The following TIMP3 variants were observed in gnomAD, a reference collection of about 807,000 sequenced individuals.
TIMP3 encodes metalloproteinase inhibitor 3.
A neutral mutation model predicts 30.0 loss-of-function variants in TIMP3; 11 were observed. That is an observed-to-expected ratio of 0.37 (90% CI 0.23 to 0.61). The LOEUF (loss-of-function observed/expected upper bound fraction) is 0.61. TIMP3 is among the 20% of genes least tolerant of loss of function. The pLI is 0.70. For missense variants in TIMP3, 181 were observed against 276.8 expected (o/e 0.65, Z 2.45); for synonymous variants, 112 against 111.3 (o/e 1.01, Z -0.04).
chr22:32,853,165 C>T (rs1275520188), intron 2 of TIMP3, among the ~76,000 whole-genome samples: 2 of 152,204 alleles, frequency 1.3e-5, no homozygotes, highest in Non-Finnish European at 2.9e-5. Context: ...ACCCCCAGCC[C>T]ACAGGGAACC....
chr22:32,821,018 A>G (rs374661824), intron 1 of TIMP3, among the ~76,000 whole-genome samples: 1 of 152,132 alleles, frequency 6.6e-6, no homozygotes, highest in African/African-American at 2.4e-5. Context: ...TGCTCTTTCA[A>G]TATGATCTCA....
At chr22:32,806,760 A>G (rs2046751478) in intron 1 of TIMP3, among the ~76,000 whole-genome samples, 1 of 151,766 alleles carries the variant, frequency 6.6e-6, no homozygotes, top group Non-Finnish European at 1.5e-5. Context: ...TATCTATGAT[A>G]TATCCATTTC....
intron 1 of TIMP3, among the ~76,000 whole-genome samples, chr22:32,838,367 T>C (rs1302140333): frequency 6.6e-6 from 1 of 152,102 alleles, no homozygotes; most frequent in Non-Finnish European, 1.5e-5. Context: ...ATTTCCTGAG[T>C]GCTACCACAA....
chr22:32,858,302 C>T lies in TIMP3; in HGVS notation c.438+164C>T, dbSNP rs2048434677. Among the ~76,000 whole-genome samples, 6 of 152,164 alleles carry T rather than the reference C, an allele frequency of 3.9e-5. No individual in the cohort carries two copies. The South Asian group carries it at 1.2e-3, about 32-fold the overall frequency. On this transcript the variant is annotated intron_variant, in intron 4 of 4. Transcript: ENST00000266085. Reference sequence around the variant, plus strand: ...TGAGCAGATATAGTAAGGATTGTTGCCCCAGGTGGGGCAGTGAGGAAGGCA... The same window carrying T: ...TGAGCAGATATAGTAAGGATTGTTGTCCCAGGTGGGGCAGTGAGGAAGGCA...
intron 2 of TIMP3, among the ~76,000 whole-genome samples, chr22:32,854,387 A>G (rs1013993213): frequency 1.3e-5 from 2 of 152,128 alleles, no homozygotes; most frequent in Non-Finnish European, 2.9e-5. Context: ...AAATGACCAG[A>G]CTGTAACCAG....
chr22:32,840,022 G>A (rs2047847832), intron 1 of TIMP3, among the ~76,000 whole-genome samples: 1 of 152,042 alleles, frequency 6.6e-6, no homozygotes, highest in Admixed American at 6.5e-5. Context: ...TCCAGGACAG[G>A]GCATCCCCAG....
At chr22:32,848,129 C>T (rs1052035323) in intron 1 of TIMP3, among the ~76,000 whole-genome samples, 3 of 152,236 alleles carry the variant, frequency 2.0e-5, no homozygotes, top group Non-Finnish European at 4.4e-5. Flanking sequence ...TTTCACACAA[C>T]GTAGAAAGAG....
At chr22:32,802,673 G>T (rs1367949848) in intron 1 of TIMP3, among the ~76,000 whole-genome samples, 1 of 152,120 alleles carries the variant, frequency 6.6e-6, no homozygotes, top group East Asian at 1.9e-4. Flanking sequence ...CGAGCTTCTG[G>T]GACTGCCAAG....
At chr22:32,813,372 G>T (rs535611574) in intron 1 of TIMP3, among the ~76,000 whole-genome samples, 2 of 152,200 alleles carry the variant, frequency 1.3e-5, no homozygotes, top group African/African-American at 4.8e-5. Context: ...TTCTGGAGGG[G>T]ACAGCTGCTG....
At chr22:32,838,017 C>A (rs372185808) in intron 1 of TIMP3, among the ~76,000 whole-genome samples, 7 of 152,206 alleles carry the variant, frequency 4.6e-5, no homozygotes, top group Non-Finnish European at 5.9e-5. Context: ...CTCCCTCCGG[C>A]GCCTCCAGGC....
At chr22:32,830,929 T>G (rs1328918951) in intron 1 of TIMP3, among the ~76,000 whole-genome samples, 1 of 152,208 alleles carries the variant, frequency 6.6e-6, no homozygotes, top group African/African-American at 2.4e-5. Context: ...GTTTTGTTTT[T>G]GTTTAGCTTT....
chr22:32,858,971 AT>A (rs1241596904), intron 4 of TIMP3, among the ~76,000 whole-genome samples: 1 of 152,218 alleles, frequency 6.6e-6, no homozygotes, highest in Non-Finnish European at 1.5e-5. Context: ...TGTGATAAGA[AT>A]TAAAGAGAAT....
intron 1 of TIMP3, among the ~76,000 whole-genome samples, chr22:32,822,092 T>C (rs182581072): frequency 2.8e-3 from 425 of 150,454 alleles, no homozygotes; most frequent in African/African-American, 9.5e-3. Context: ...GAGGCAGAGG[T>C]TGCAATGAGC....
rs1364958309 is a variant in TIMP3 at position 32,837,672 on chromosome 22, A to G, written c.122-11780A>G. On this transcript the variant is annotated intron_variant, in intron 1 of 4. Transcript: ENST00000266085. The surrounding 1 kb of genome is among the most constrained non-coding windows in gnomAD (Gnocchi z 4.1). The stretch of plus-strand genomic sequence containing the variant: ...CTTGGGGCTTCGGGGGCCTCCTGTC[A>G]ATGGACTGTTTGGACACCCATTTGG... Among the ~76,000 whole-genome samples the G allele has an allele frequency of 6.6e-6, 1 of 152,128 alleles. No individual in the cohort carries two copies. Among genetic ancestry groups the G allele is most frequent in the Non-Finnish European group, 1.5e-5 (1 of 68,022 alleles).
At chr22:32,849,772 T>C (rs983782269) in intron 2 of TIMP3, among the ~76,000 whole-genome samples, 2 of 152,128 alleles carry the variant, frequency 1.3e-5, no homozygotes, top group Admixed American at 1.3e-4. Flanking sequence ...AAGGCACTTG[T>C]TAGGAAGCTG....
At position 32,861,597 on chromosome 22, in the gene TIMP3, C is replaced by G. The variant is rs1218355595; in HGVS notation, c.*2220C>G. ...CCTGGTGTGGTCAGCCTCTCTCACACAAGGAGGAACTTGGGTGAAGGCTGA... is the reference window on the plus strand; with the variant it reads ...CCTGGTGTGGTCAGCCTCTCTCACAGAAGGAGGAACTTGGGTGAAGGCTGA... On this transcript the variant is annotated 3_prime_UTR_variant, in exon 5 of 5. Coordinates refer to ENST00000266085, the MANE Select transcript of TIMP3 (RefSeq NM_000362.5). 2 of 152,600 alleles carry G rather than the reference C, an allele frequency of 1.3e-5. No individual in the cohort carries two copies. The highest frequency in any genetic ancestry group is 4.8e-5 in the African/African-American group (2 of 41,446). The allele number at this position is 152,600 out of a possible 1,614,324, so 9.5% of individuals were successfully genotyped here.
At chr22:32,803,545 A>G (rs1202077158) in intron 1 of TIMP3, among the ~76,000 whole-genome samples, 1 of 152,214 alleles carries the variant, frequency 6.6e-6, no homozygotes, top group Admixed American at 6.5e-5. Flanking sequence ...GGGGGAACCC[A>G]GCTGGCCCAG....
rs56017296 is a variant in TIMP3, at chr22:32,839,316, G to A, written c.122-10136G>A. Among the ~76,000 whole-genome samples the A allele has an allele frequency of 5.5e-3, 843 of 152,262 alleles. 5 individuals carry two copies. Among genetic ancestry groups the A allele is most frequent in the South Asian group, 0.019 (93 of 4,824 alleles). ...CCATTTGTTCCTGGGAGAATGTGGG[G>A]GACTTAGGGGAGAAGGACTGTGTTT... On this transcript the variant is annotated intron_variant, in intron 1 of 4. Transcript: ENST00000266085.
intron 1 of TIMP3, among the ~76,000 whole-genome samples, chr22:32,831,854 C>T (rs542949529): frequency 2.0e-5 from 3 of 152,126 alleles, no homozygotes; most frequent in South Asian, 2.1e-4. Flanking sequence ...TGCACCCCCC[C>T]CAACCTCCAC....
Sources: gnomAD v4.1 joint callset for allele counts (sites outside exome capture counted in the v4.1 genomes callset) on GRCh38, gnomAD v4.1.1 for gene constraint, Gnocchi (gnomAD v3.1) non-coding constraint, MANE v1.5 for transcripts, NCBI Gene and HGNC (gene_info 2026-07-23, HGNC 2026-07-21) for gene names.